Variants in FRYL observed in about 807,000 individuals in gnomAD.
FRYL encodes the protein FRY like transcription coactivator, also known as protein furry homolog-like.
FRYL carries 150 observed loss-of-function variants against 351.2 expected under a neutral mutation model. The observed-to-expected ratio is 0.43, with a 90% CI of 0.37 to 0.49. The LOEUF is 0.49. FRYL is among the 20% of genes least tolerant of loss of function. The pLI, the probability that FRYL is intolerant of heterozygous loss-of-function variation, is 0.00. For missense variants in FRYL, 3,036 were observed against 3,619.3 expected (o/e 0.84, Z 4.13); for synonymous variants, 1,153 against 1,257.1 (o/e 0.92, Z 1.75).
chr4:48,696,649 C>G (rs1312706016), intron 2 of FRYL, among the ~76,000 whole-genome samples: 1 of 152,012 alleles, frequency 6.6e-6, no homozygotes, highest in Non-Finnish European at 1.5e-5. Context: ...ACCTATACAA[C>G]AAACCTACAC....
intron 1 of FRYL, among the ~76,000 whole-genome samples, chr4:48,758,431 G>A (rs1774039479): frequency 6.6e-6 from 1 of 152,110 alleles, no homozygotes; most frequent in Non-Finnish European, 1.5e-5. Flanking sequence ...GATATGAACA[G>A]ACACTTCTCA....
chr4:48,677,015 A>C (rs1156910508), intron 3 of FRYL, among the ~76,000 whole-genome samples: 2 of 152,252 alleles, frequency 1.3e-5, no homozygotes, highest in Admixed American at 6.5e-5. Context: ...AAATGGTAGC[A>C]GGGAATTTCA....
At position 48,603,506 on chromosome 4, in the gene FRYL, C is replaced by T; in HGVS notation, c.835-118G>A. The T allele has an allele frequency of 5.9e-6, 4 of 679,796 alleles. 1 individual carries two copies. In the South Asian group the frequency reaches 7.4e-5, roughly 13 times the overall value. 42.1% of individuals were successfully genotyped at this position (679,796 alleles called of 1,614,324 possible). ...GGTTAATAATTCACTGAGACTCTCA[C>T]TGAAGTACTACAATGTGCCAAGTGA... On this transcript the variant is annotated intron_variant, in intron 11 of 63. Coordinates refer to ENST00000358350, the MANE Select transcript of FRYL (RefSeq NM_015030.2).
chr4:48,612,497 CGT>C (rs10657991), intron 7 of FRYL, among the ~76,000 whole-genome samples: 5,025 of 150,026 alleles, frequency 0.033, 92 homozygotes, highest in Admixed American at 0.048. Flanking sequence ...TGTGTGTGCA[CGT>C]GTGTGTGTGT....
chr4:48,743,403 T>C (rs1342813528), intron 1 of FRYL, among the ~76,000 whole-genome samples: 1 of 152,114 alleles, frequency 6.6e-6, no homozygotes, highest in Non-Finnish European at 1.5e-5. Context: ...CAAGCTTCCA[T>C]ATAATAATTC....
At position 48,549,721 on chromosome 4, in the gene FRYL, G is replaced by T; in HGVS notation, c.4634-98C>A. On this transcript the variant is annotated intron_variant, in intron 38 of 63. Transcript: ENST00000358350. The surrounding 1 kb of genome is among the most constrained non-coding windows in gnomAD (Gnocchi z 4.2). ...CCAACTATTTATATAGTATTGGAAA[G>T]TGATAAAAAAAATTTCCCACTATTT... The T allele has an allele frequency of 1.0e-6, 1 of 985,190 alleles. No homozygotes were observed. The highest frequency in any genetic ancestry group is 1.4e-6 in the Non-Finnish European group (1 of 691,194). The allele number at this position is 985,190 out of a possible 1,614,324, so 61.0% of individuals were successfully genotyped here.
Position 48,557,516 on chromosome 4 carries a change from T to A in FRYL, c.4062A>T (p.Glu1354Asp). The change falls in exon 34 of 64, where the codon GAA becomes GAT. Residue 1354 changes from glutamate (E) to aspartate (D), a missense_variant. Physicochemically the swap from Glu to Asp is conservative, Grantham distance 45. Transcript: ENST00000358350. ...MVTSRRWLRG[E>D]GWGSPQATAM... ...CAGTGGCTTGTGGAGATCCCCATCCTTCTCCCCGTAACCAGCGCCTACTAG... is the reference window on the plus strand; with the variant it reads ...CAGTGGCTTGTGGAGATCCCCATCCATCTCCCCGTAACCAGCGCCTACTAG... 6.2e-7 allele frequency: 1 copy of A among 1,614,186 alleles called. No individual in the cohort carries two copies. The highest frequency in any genetic ancestry group is 2.2e-5 in the East Asian group (1 of 44,888).
intron 16 of FRYL, 103 bp from the exon 17 acceptor site, chr4:48,590,933 G>A: frequency 1.2e-6 from 1 of 814,390 alleles, no homozygotes; most frequent in East Asian, 2.6e-5. Context: ...GGGGGTGGAA[G>A]GAAGGAAGAT....
chr4:48,717,550 T>C lies in FRYL; in HGVS notation c.-383-6852A>G, dbSNP rs745852514. On this transcript the variant is annotated intron_variant, in intron 1 of 63. Transcript: ENST00000358350. ...TAAAAAAGGCTCTAATTGTACACTT[T>C]ATTTATTTGAAAAGGGGTTTGACTC... Among the ~76,000 whole-genome samples, 20 of 151,462 alleles carry C rather than the reference T, an allele frequency of 1.3e-4. 1 individual carries two copies. Among genetic ancestry groups the C allele is most frequent in the Non-Finnish European group, 2.4e-4 (16 of 67,826 alleles).
At chr4:48,669,090 T>C (rs1762228370) in intron 3 of FRYL, among the ~76,000 whole-genome samples, 1 of 152,260 alleles carries the variant, frequency 6.6e-6, no homozygotes, top group South Asian at 2.1e-4. Flanking sequence ...TTTACACCTT[T>C]ATTATTTTAG....
chr4:48,597,382 G>A (rs1034080533), intron 13 of FRYL, among the ~76,000 whole-genome samples: 5 of 152,044 alleles, frequency 3.3e-5, no homozygotes, highest in African/African-American at 1.2e-4. Flanking sequence ...CACACCAAGA[G>A]TAAACTCTAA....
Position 48,534,705 on chromosome 4 carries a change from T to C in FRYL, c.6565-20A>G. 1 of 1,440,736 alleles carries C rather than the reference T, an allele frequency of 6.9e-7. No individual in the cohort carries two copies. Among genetic ancestry groups the C allele is most frequent in the Non-Finnish European group, 9.6e-7 (1 of 1,041,702 alleles). The allele number at this position is 1,440,736 out of a possible 1,614,324, so 89.2% of individuals were successfully genotyped here. ...TAACAGCTAAAAATAATGTTAAAAG[T>C]AATATTAAAGTATACTTTAATCAGG... On this transcript the variant is annotated intron_variant, in intron 48 of 63. Transcript: ENST00000358350.
At chr4:48,662,672 T>C (rs1459371996) in intron 3 of FRYL, among the ~76,000 whole-genome samples, 3 of 148,648 alleles carry the variant, frequency 2.0e-5, no homozygotes, top group Non-Finnish European at 4.4e-5. Context: ...GTGCATGTAA[T>C]CCCAGCACTT....
chr4:48,728,917 C>T (rs962810305), intron 1 of FRYL, among the ~76,000 whole-genome samples: 9 of 152,192 alleles, frequency 5.9e-5, no homozygotes, highest in African/African-American at 9.7e-5. Flanking sequence ...CAGGGCAGGT[C>T]GTCACCTCAC....
chr4:48,767,435 G>A (rs560052372), intron 1 of FRYL, among the ~76,000 whole-genome samples: 5 of 152,182 alleles, frequency 3.3e-5, no homozygotes, highest in Admixed American at 6.5e-5. Flanking sequence ...GGGACACAAA[G>A]CCAAACCATA....
At chr4:48,751,984 T>C (rs997135497) in intron 1 of FRYL, among the ~76,000 whole-genome samples, 14 of 152,080 alleles carry the variant, frequency 9.2e-5, no homozygotes, top group Admixed American at 2.0e-4. Context: ...CAACGAAACA[T>C]ACAGGAAAGT....
At chr4:48,671,877 A>AAAAAAAAC (rs1762804906) in intron 3 of FRYL, among the ~76,000 whole-genome samples, 2 of 147,298 alleles carry the variant, frequency 1.4e-5, no homozygotes, top group South Asian at 2.2e-4. Context: ...AAAAAACAAA[A>AAAAAAAAC]AAAAAAAAAA....
chr4:48,636,327 G>C (rs10008765), intron 3 of FRYL, among the ~76,000 whole-genome samples: 213 of 152,042 alleles, frequency 1.4e-3, no homozygotes, highest in African/African-American at 4.9e-3. Context: ...TTAAGGTAGT[G>C]GTTACAAACT....
chr4:48,687,938 C>A (rs1231282846), intron 2 of FRYL, among the ~76,000 whole-genome samples: 1 of 151,980 alleles, frequency 6.6e-6, no homozygotes, highest in Non-Finnish European at 1.5e-5. Context: ...GTCCCTGCTC[C>A]GTGAGTCTTT....
Sources: allele counts gnomAD v4.1 joint callset (sites outside exome capture counted in the v4.1 genomes callset), GRCh38; gene constraint gnomAD v4.1.1; non-coding constraint Gnocchi (gnomAD v3.1); transcripts MANE v1.5; gene names NCBI Gene and HGNC (gene_info 2026-07-23, HGNC 2026-07-21).